Variants in DDX21 observed in about 807,000 individuals in gnomAD.
DDX21 encodes DExD-box helicase 21.
In DDX21, 18 loss-of-function variants were observed where a neutral mutation model predicts 90.0. The ratio of observed to expected loss-of-function variants is 0.20; its 90% confidence interval spans 0.14 to 0.30. The LOEUF is 0.30. Ranked by LOEUF, DDX21 falls within the 10% of genes least tolerant of loss-of-function variation. DDX21 has a pLI of 1.00. For synonymous variants in DDX21, 294 were observed against 318.0 expected, an observed-to-expected ratio of 0.92 and a Z score of 0.80; for missense variants, 673 against 944.5, an observed-to-expected ratio of 0.71 and a Z score of 3.77.
At chr10:68,979,040 G>A (rs1031715858) in intron 13 of DDX21, 64 bp downstream of exon 13, 74 of 1,601,778 alleles carry the variant, frequency 4.6e-5, no homozygotes, top group Non-Finnish European at 5.7e-5. Flanking sequence ...ACAGTGTGGT[G>A]TGGGTTCTTC....
chr10:68,982,360 C>T (rs939641121), intron 14 of DDX21, among the ~76,000 whole-genome samples, 183 bp from the exon 15 acceptor site: 1 of 152,190 alleles, frequency 6.6e-6, no homozygotes, highest in Non-Finnish European at 1.5e-5. Flanking sequence ...TGTTTTCCCA[C>T]ACTTCAGGGA....
intron 11 of DDX21, 125 bp downstream of exon 11, chr10:68,974,868 A>C: frequency 1.5e-6 from 1 of 667,274 alleles, no homozygotes. Flanking sequence ...GGGTCTCACT[A>C]TGTTGCCCAG....
At chr10:68,965,578 G>C in intron 5 of DDX21, 84 bp downstream of exon 5, 1 of 1,013,384 alleles carries the variant, frequency 9.9e-7, no homozygotes, top group Non-Finnish European at 1.5e-6. Flanking sequence ...CTTGACATCT[G>C]GCTTCTCTAT....
intron 4 of DDX21, among the ~76,000 whole-genome samples, chr10:68,964,760 C>T (rs994964185): frequency 1.4e-5 from 2 of 144,464 alleles, no homozygotes; most frequent in African/African-American, 2.5e-5. Flanking sequence ...TTTAAGTGAT[C>T]CTCCCGCCTC....
At chr10:68,967,324 C>A in intron 6 of DDX21, 121 bp downstream of exon 6, 2 of 929,856 alleles carry the variant, frequency 2.2e-6, no homozygotes, top group African/African-American at 1.7e-5. Flanking sequence ...CAGGCACCCA[C>A]CACCACGCCT....
intron 9 of DDX21, among the ~76,000 whole-genome samples, chr10:68,973,269 T>C (rs1489564991): frequency 6.6e-6 from 1 of 152,220 alleles, no homozygotes; most frequent in Non-Finnish European, 1.5e-5. Context: ...TCAGTCTGTC[T>C]ACTGGAAGAC....
At chr10:68,980,832 C>CA (rs11340675) in intron 13 of DDX21, among the ~76,000 whole-genome samples, 2,820 of 99,512 alleles carry the variant, frequency 0.028, 91 homozygotes, top group African/African-American at 0.077. Context: ...CTGTCTCTAC[C>CA]AAAAAAAAAA....
At position 68,963,349 on chromosome 10, in the gene DDX21, C is replaced by T. The variant is rs138463516; in HGVS notation, c.666C>T (p.Ser222=). Residue 222 remains serine (S), a synonymous_variant, in exon 4 of 15, where the codon AGC becomes AGT. Transcript: ENST00000354185. ...IQAKTFHHVY[S]GKDLIAQART... is the part of the protein sequence containing the mutation. ...CAAAGACATTCCATCATGTTTACAG[C>T]GGGAAGGACTTAATTGCACAGGCAC... is the stretch of plus-strand genomic sequence containing the variant. The T allele has an allele frequency of 4.1e-4, 656 of 1,613,964 alleles. 4 individuals carry two copies. The African/African-American group carries it at 7.2e-3, about 18-fold the overall frequency.
intron 11 of DDX21, among the ~76,000 whole-genome samples, chr10:68,976,628 G>A (rs1024725034): frequency 6.6e-6 from 1 of 152,076 alleles, no homozygotes; most frequent in Non-Finnish European, 1.5e-5. Flanking sequence ...ATTTATTTTA[G>A]CATGGCATGT....
intron 1 of DDX21, chr10:68,956,544 G>A: frequency 7.2e-7 from 1 of 1,380,654 alleles, no homozygotes; most frequent in Non-Finnish European, 9.4e-7. Context: ...CTTCCTCTGA[G>A]CTTATAGGCA....
At position 68,968,968 on chromosome 10, in the gene DDX21, C is replaced by T. The variant is rs763804121; in HGVS notation, c.1091-8C>T. ...TCATACTGACTTTTTTTTTCCCCCTCCTCAAAGATTCTGAAGACAATCCCC... is the reference window on the plus strand; with the variant it reads ...TCATACTGACTTTTTTTTTCCCCCTTCTCAAAGATTCTGAAGACAATCCCC... On this transcript the variant is annotated splice_polypyrimidine_tract_variant and splice_region_variant and intron_variant, in intron 6 of 14. Transcript: ENST00000354185. 13 of 1,607,032 alleles carry T rather than the reference C, an allele frequency of 8.1e-6. No homozygotes were observed. Among genetic ancestry groups the T allele is most frequent in the Admixed American group, 1.7e-5 (1 of 57,916 alleles).
intron 6 of DDX21, among the ~76,000 whole-genome samples, chr10:68,967,411 C>T (rs572150689): frequency 2.2e-4 from 33 of 152,118 alleles, no homozygotes; most frequent in African/African-American, 8.0e-4. Flanking sequence ...CCAGGTGATC[C>T]GACTGCCTCA....
chr10:68,963,445 C>G lies in DDX21; in HGVS notation c.762C>G (p.Asp254Glu). Residue 254 changes from aspartate to glutamate, a missense_variant, in exon 4 of 15, where the codon GAC becomes GAG. This residue lies in a region of DDX21 where 218 missense variants were observed against 347.3 expected (regional missense o/e 0.63). Transcript: ENST00000354185. ...AGAAACTTCATGGGGAACTGCAAGA[C>G]AGGAAGAGAGGCCGTGCCCCTCAGG... ...LIEKLHGELQ[D>E]RKRGRAPQVL... 1 of 1,613,268 alleles carries G rather than the reference C, an allele frequency of 6.2e-7. No homozygotes were observed. The highest frequency in any genetic ancestry group is 8.5e-7 in the Non-Finnish European group (1 of 1,179,668).
intron 13 of DDX21, among the ~76,000 whole-genome samples, chr10:68,980,832 C>CAAAAAAAAAAA (rs11340675): frequency 3.0e-5 from 3 of 99,648 alleles, no homozygotes; most frequent in Non-Finnish European, 4.2e-5. Flanking sequence ...CTGTCTCTAC[C>CAAAAAAAAAAA]AAAAAAAAAA....
Position 68,983,007 on chromosome 10 carries a change from ACTT to A in DDX21, c.*200_*202del, listed in dbSNP as rs5030661. ...CATTATCATTTATAACTTTATTGTT[ACTT>A]CTTCATCAGTTTTTCCTTTTGAAAG... is the stretch of plus-strand genomic sequence containing the variant. On this transcript the variant is annotated 3_prime_UTR_variant, in exon 15 of 15. Coordinates refer to ENST00000354185, the MANE Select transcript of DDX21 (RefSeq NM_004728.4). The A allele has an allele frequency of 0.63, 435,050 of 686,226 alleles. 140,807 individuals carry two copies. The highest frequency in any genetic ancestry group is 0.84 in the East Asian group (30,357 of 36,108). 42.5% of individuals were successfully genotyped at this position (686,226 alleles called of 1,614,324 possible). A position where few individuals can be genotyped will look rare whatever the true frequency, so the allele number is the denominator to read the frequency against.
chr10:68,967,068 A>G lies in DDX21; in HGVS notation c.955A>G (p.Ile319Val), dbSNP rs779464788. The change falls in exon 6 of 15, where the codon ATC becomes GTC. Residue 319 changes from isoleucine (I) to valine (V), a missense_variant. Around this residue, in one of 4 missense-constraint regions of DDX21, gnomAD observed 218 missense variants for 347.3 expected, o/e 0.63. Coordinates refer to ENST00000354185, the MANE Select transcript of DDX21 (RefSeq NM_004728.4). ...IDILVGTPGR[I>V]KDHIQNGKLD... ...TATCCTGGTTGGAACACCAGGTCGT[A>G]TCAAAGACCACATACAGAATGGCAA... The G allele has an allele frequency of 6.2e-7, 1 of 1,612,388 alleles. No individual in the cohort carries two copies. Among genetic ancestry groups the G allele is most frequent in the African/African-American group, 1.3e-5 (1 of 74,598 alleles).
rs1417396609 is a variant in DDX21, at chr10:68,956,217, GC to G, written c.-8del. The G allele has an allele frequency of 8.7e-6, 14 of 1,613,894 alleles. No homozygotes were observed. In the East Asian group the frequency reaches 3.1e-4, roughly 36 times the overall value. On this transcript the variant is annotated 5_prime_UTR_variant, in exon 1 of 15. Coordinates refer to ENST00000354185, the MANE Select transcript of DDX21 (RefSeq NM_004728.4). ...GAAGACCGGTCGGCCTGGGCAACCTGCGCTGAAGATGCCGGGAAAACTCCGT... is the reference window on the plus strand; with the variant it reads ...GAAGACCGGTCGGCCTGGGCAACCTGGCTGAAGATGCCGGGAAAACTCCGT...
intron 1 of DDX21, chr10:68,956,524 G>A: frequency 1.4e-6 from 2 of 1,416,580 alleles, no homozygotes; most frequent in South Asian, 1.5e-5. Flanking sequence ...GGTCCGCCGT[G>A]CGCTGACCTC....
chr10:68,960,593 G>C (rs1984244), intron 2 of DDX21, among the ~76,000 whole-genome samples: 143,238 of 152,136 alleles, frequency 0.94, 67,499 homozygotes, highest in East Asian at 0.99. Context: ...TCCTCAGTAG[G>C]TGGGATTACG....
Sources: allele counts gnomAD v4.1 joint callset (sites outside exome capture counted in the v4.1 genomes callset), GRCh38; gene constraint gnomAD v4.1.1; regional missense constraint gnomAD v4.1.1; transcripts MANE v1.5; gene names NCBI Gene and HGNC (gene_info 2026-07-23, HGNC 2026-07-21).